Variants in ASPM observed in about 807,000 individuals in gnomAD.
ASPM encodes the protein abnormal spindle-like microcephaly-associated protein.
Under a neutral mutation model 366.4 loss-of-function variants are expected in ASPM, and 256 were observed. The ratio of observed to expected loss-of-function variants is 0.70; its 90% confidence interval spans 0.63 to 0.77. The LOEUF (loss-of-function observed/expected upper bound fraction) is 0.77, where lower values mean the gene tolerates loss of function less well. ASPM is among the 30% of genes least tolerant of loss of function. The pLI is 0.00. For synonymous variants in ASPM, 1,414 were observed against 1,342.9 expected (o/e 1.05, Z -1.16); for missense variants, 4,146 against 4,090.4 (o/e 1.01, Z -0.37).
intron 17 of ASPM, among the ~76,000 whole-genome samples, chr1:197,108,311 G>A (rs1361453478): frequency 6.6e-6 from 1 of 151,918 alleles, no homozygotes; most frequent in African/African-American, 2.4e-5. Flanking sequence ...AAAAGTGGAA[G>A]GACTCAAATC....
At chr1:197,138,874 G>A in intron 4 of ASPM, 1 of 949,072 alleles carries the variant, frequency 1.1e-6, no homozygotes, top group Non-Finnish European at 1.7e-6. Flanking sequence ...TCTTCTTCGA[G>A]CTTCCTTATC....
rs896558527 is a variant in ASPM, at chr1:197,091,966, T to C, written c.9385A>G (p.Lys3129Glu). 4 of 1,611,876 alleles carry C rather than the reference T, an allele frequency of 2.5e-6. No individual in the cohort carries two copies. The highest frequency in any genetic ancestry group is 2.5e-6 in the Non-Finnish European group (3 of 1,178,890). Residue 3129 changes from lysine to glutamate, a missense_variant, in exon 22 of 28, where the codon AAA becomes GAA. Lys to Glu is a moderately conservative substitution (Grantham distance 56). Coordinates refer to ENST00000367409, the MANE Select transcript of ASPM (RefSeq NM_018136.5). ...LNAVRIQRAY[K>E]LYLAVKNANK... ...GCATTCTTCACAGCCAGGTAAAGTT[T>C]ATAGGCTCTTTGAATTCTAACAGCA... is the stretch of plus-strand genomic sequence containing the variant.
At chr1:197,123,165 A>C (rs376285575) in intron 13 of ASPM, among the ~76,000 whole-genome samples, 1 of 152,180 alleles carries the variant, frequency 6.6e-6, no homozygotes, top group South Asian at 2.1e-4. Context: ...GTCTTCTCCT[A>C]AGAACACTAG....
chr1:197,098,363 T>C (rs1657047190), intron 18 of ASPM, among the ~76,000 whole-genome samples: 1 of 151,462 alleles, frequency 6.6e-6, no homozygotes, highest in Non-Finnish European at 1.5e-5. Flanking sequence ...AAGGTAGGAG[T>C]ATGTTTTAAA....
chr1:197,111,332 GC>G (rs1489092726), intron 17 of ASPM, among the ~76,000 whole-genome samples: 2 of 151,992 alleles, frequency 1.3e-5, no homozygotes, highest in African/African-American at 4.8e-5. Context: ...ATGAAAAAAT[GC>G]CCATCACCAC....
chr1:197,102,200 G>A lies in ASPM; in HGVS notation c.7051C>T (p.His2351Tyr), dbSNP rs747544495. 6.2e-7 allele frequency: 1 copy of A among 1,612,746 alleles called. No individual in the cohort carries two copies. The highest frequency in any genetic ancestry group is 8.5e-7 in the Non-Finnish European group (1 of 1,179,262). The stretch of plus-strand genomic sequence containing the variant: ...TGTTTCAAAGCCTGATATCTCATAT[G>A]TAATCTGTGCATTCTGAAAGTAGAC... ...IQSTFRMHRL[H>Y]MRYQALKQAS... is the part of the protein sequence containing the mutation. Residue 2351 changes from histidine (H) to tyrosine (Y), a missense_variant, in exon 18 of 28, where the codon CAT (histidine) becomes TAT (tyrosine). Physicochemically the swap from His to Tyr is moderately conservative, Grantham distance 83. This residue lies in a region of ASPM where 3,624 missense variants were observed against 3,591.7 expected (regional missense o/e 1.01). Transcript: ENST00000367409.
At position 197,121,939 on chromosome 1, in the gene ASPM, T is replaced by C. The variant is rs745539946; in HGVS notation, c.3846A>G (p.Leu1282=). Residue 1282 remains leucine, a synonymous_variant, in exon 16 of 28, where the codon CTA becomes CTG. Transcript: ENST00000367409. ...CCTGATGGCGTTTGAGATCTGTTTTTAGTTTATATTTTCTCCATGTTGTTT... is the reference window on the plus strand; with the variant it reads ...CCTGATGGCGTTTGAGATCTGTTTTCAGTTTATATTTTCTCCATGTTGTTT... ...LIQTTWRKYK[L]KTDLKRHQER... is the part of the protein sequence containing the mutation. 2.5e-6 allele frequency: 4 copies of C among 1,611,302 alleles called. No homozygotes were observed. The Admixed American group carries it at 6.7e-5, about 27-fold the overall frequency.
At chr1:197,139,743 A>G in intron 4 of ASPM, 24 bp downstream of exon 4, 2 of 1,493,782 alleles carry the variant, frequency 1.3e-6, no homozygotes, top group Non-Finnish European at 1.9e-6. Flanking sequence ...GTTTTCAGAG[A>G]GTTTAAGTAT....
At chr1:197,087,007 T>C (rs1447839396) in intron 26 of ASPM, 35 bp from the exon 27 acceptor site, 19 of 1,560,812 alleles carry the variant, frequency 1.2e-5, no homozygotes, top group Non-Finnish European at 1.7e-5. Context: ...TAAAAAGTAA[T>C]AAGAATTAAA....
rs377110373 is a variant in ASPM, at chr1:197,124,107, T to C, written c.3390+3A>G. On this transcript the variant is annotated splice_donor_region_variant and intron_variant, in intron 13 of 27. Transcript: ENST00000367409. The stretch of plus-strand genomic sequence containing the variant: ...GGTTAAAACAAAAAACAAAGAAACT[T>C]ACCTTTTTATTATAGAAGGCACAAA... The C allele has an allele frequency of 3.0e-5, 48 of 1,602,786 alleles. No homozygotes were observed. In the African/African-American group the frequency reaches 3.6e-4, roughly 12 times the overall value.
intron 25 of ASPM, among the ~76,000 whole-genome samples, chr1:197,088,866 G>A (rs965252215): frequency 2.6e-5 from 4 of 152,052 alleles, no homozygotes; most frequent in African/African-American, 9.7e-5. Flanking sequence ...TTGAGAGGAA[G>A]AAGAGCTTGC....
Position 197,102,710 on chromosome 1 carries a change from T to C in ASPM, c.6541A>G (p.Arg2181Gly). 1.2e-6 allele frequency: 2 copies of C among 1,612,728 alleles called. No individual in the cohort carries two copies. The highest frequency in any genetic ancestry group is 1.3e-5 in the African/African-American group (1 of 74,938). ...KVLQASFRGV[R>G]VRRTLRKMQT... ...ATCTTTCTAAGAGTCCGTCTAACTC[T>C]TACTCCTCTAAAACTTGCCTGAAGG... The change falls in exon 18 of 28, where the codon AGA becomes GGA. Residue 2181 changes from arginine to glycine, a missense_variant. Around this residue, in one of 3 missense-constraint regions of ASPM, gnomAD observed 3,624 missense variants for 3,591.7 expected, o/e 1.01. Coordinates refer to ENST00000367409, the MANE Select transcript of ASPM (RefSeq NM_018136.5).
chr1:197,120,484 C>T (rs1339450618), intron 16 of ASPM, among the ~76,000 whole-genome samples: 4 of 152,000 alleles, frequency 2.6e-5, no homozygotes, highest in Non-Finnish European at 5.9e-5. Flanking sequence ...GAGCCAAGAT[C>T]GTGCTATTGC....
At chr1:197,095,636 A>G (rs964550101) in intron 19 of ASPM, among the ~76,000 whole-genome samples, 1 of 151,814 alleles carries the variant, frequency 6.6e-6, no homozygotes, top group African/African-American at 2.4e-5. Context: ...AAATTTTGCC[A>G]GTAGTTAAGT....
In ASPM at chr1:197,132,483, T is replaced by C. The variant is rs182155178; in HGVS notation, c.2420-131A>G. The C allele has an allele frequency of 8.1e-6, 6 of 745,130 alleles. No homozygotes were observed. In the African/African-American group the frequency reaches 8.9e-5, roughly 11 times the overall value. The allele number at this position is 745,130 out of a possible 1,614,324, so 46.2% of individuals were successfully genotyped here. The stretch of plus-strand genomic sequence containing the variant: ...ATGAAATAAGTTAATTTAAATAAAA[T>C]ACACTTATAGTCTTAAATATACATG... On this transcript the variant is annotated intron_variant, in intron 6 of 27. Coordinates refer to ENST00000367409, the MANE Select transcript of ASPM (RefSeq NM_018136.5).
chr1:197,144,746 T>C (rs1658716694), intron 1 of ASPM, among the ~76,000 whole-genome samples: 2 of 151,910 alleles, frequency 1.3e-5, no homozygotes, highest in Admixed American at 1.3e-4. Flanking sequence ...AGTTTGGACT[T>C]TAACATCTAC....
At position 197,086,990 on chromosome 1, in the gene ASPM, C is replaced by G. The variant is rs758260269; in HGVS notation, c.10162-18G>C. 1 of 1,596,976 alleles carries G rather than the reference C, an allele frequency of 6.3e-7. No individual in the cohort carries two copies. Among genetic ancestry groups the G allele is most frequent in the South Asian group, 1.1e-5 (1 of 90,222 alleles). ...CGTACATCCTACAAAATAAAATGCA[C>G]AGTTACTAAAAAGTAATAAGAATTA... On this transcript the variant is annotated intron_variant, in intron 26 of 27. Coordinates refer to ENST00000367409, the MANE Select transcript of ASPM (RefSeq NM_018136.5).
chr1:197,088,173 A>G (rs748872293), intron 26 of ASPM, 83 bp downstream of exon 26: 13 of 1,458,154 alleles, frequency 8.9e-6, no homozygotes, highest in Admixed American at 1.8e-5. Context: ...TAGAGTGATA[A>G]TTACTAAAGG....
Position 197,142,810 on chromosome 1 carries a change from T to G in ASPM, c.1442A>C (p.His481Pro). Residue 481 changes from histidine to proline, a missense_variant, in exon 3 of 28, where the codon CAT (histidine) becomes CCT (proline). Physicochemically the swap from His to Pro is moderately conservative, Grantham distance 77. This residue lies in a region of ASPM where 3,624 missense variants were observed against 3,591.7 expected (regional missense o/e 1.01). Transcript: ENST00000367409. ...TCTCTTAGGTTGTTTATTGTGGCTA[T>G]GACTAGAAATATCCTGAACTGCAGA... ...KFSAVQDISS[H>P]SHNKQPKRRP... The G allele has an allele frequency of 6.2e-7, 1 of 1,613,698 alleles. No homozygotes were observed. Among genetic ancestry groups the G allele is most frequent in the Non-Finnish European group, 8.5e-7 (1 of 1,179,608 alleles).
Sources: allele counts gnomAD v4.1 joint callset (sites outside exome capture counted in the v4.1 genomes callset), GRCh38; gene constraint gnomAD v4.1.1; regional missense constraint gnomAD v4.1.1; transcripts MANE v1.5; gene names NCBI Gene and HGNC (gene_info 2026-07-23, HGNC 2026-07-21).